Variants in PPP1R1C observed in about 807,000 individuals in gnomAD.
PPP1R1C encodes protein phosphatase 1 regulatory subunit 1C.
PPP1R1C carries 15 observed loss-of-function variants against 17.4 expected under a neutral mutation model. The observed-to-expected ratio is 0.86, with a 90% CI of 0.58 to 1.33. The LOEUF (loss-of-function observed/expected upper bound fraction) is 1.33, where lower values mean the gene tolerates loss of function less well. PPP1R1C is among the 40% of genes most tolerant of loss of function. The pLI, the probability that PPP1R1C is intolerant of heterozygous loss-of-function variation, is 0.00. For missense variants in PPP1R1C, 143 were observed against 130.0 expected, an observed-to-expected ratio of 1.10 and a Z score of -0.48; for synonymous variants, 35 against 43.1, an observed-to-expected ratio of 0.81 and a Z score of 0.73.
At chr2:182,034,576 C>T (rs372682707) in intron 2 of PPP1R1C, among the ~76,000 whole-genome samples, 1 of 152,166 alleles carries the variant, frequency 6.6e-6, no homozygotes, top group Admixed American at 6.5e-5. Context: ...CACAAATAGA[C>T]TATAAACTTT....
chr2:182,061,605 T>C (rs999665526), intron 3 of PPP1R1C, 126 bp downstream of exon 3: 12 of 519,944 alleles, frequency 2.3e-5, no homozygotes, highest in Admixed American at 4.1e-5. Context: ...TCCTTCTGAC[T>C]GAATAAACAG....
At chr2:182,080,757 C>A (rs992493877) in intron 4 of PPP1R1C, among the ~76,000 whole-genome samples, 1 of 152,086 alleles carries the variant, frequency 6.6e-6, no homozygotes, top group African/African-American at 2.4e-5. Flanking sequence ...TGCTTCTAAC[C>A]CACAACATTT....
intron 4 of PPP1R1C, 56 bp from the exon 5 acceptor site, chr2:182,117,151 G>T: frequency 8.3e-7 from 1 of 1,211,846 alleles, no homozygotes; most frequent in Non-Finnish European, 1.2e-6. Context: ...CAGCAAAGCG[G>T]TTAATATTCC....
chr2:182,081,193 A>C (rs1688464594), intron 4 of PPP1R1C, among the ~76,000 whole-genome samples: 1 of 152,206 alleles, frequency 6.6e-6, no homozygotes, highest in Non-Finnish European at 1.5e-5. Flanking sequence ...TATTGGGCAA[A>C]TGGAGAGGTA....
upstream of PPP1R1C, among the ~76,000 whole-genome samples, chr2:181,981,968 T>G (rs1685200861): frequency 6.6e-6 from 1 of 152,254 alleles, no homozygotes; most frequent in Admixed American, 6.5e-5. Context: ...ACATATTTGC[T>G]TTTATTTTTG....
At chr2:182,108,849 G>A (rs1689333233) in intron 4 of PPP1R1C, among the ~76,000 whole-genome samples, 1 of 152,120 alleles carries the variant, frequency 6.6e-6, no homozygotes, top group South Asian at 2.1e-4. Flanking sequence ...GGTTTTTTGT[G>A]TGGACATCAG....
chr2:181,998,094 T>C (rs1685664693), intron 2 of PPP1R1C, among the ~76,000 whole-genome samples: 2 of 152,180 alleles, frequency 1.3e-5, no homozygotes, highest in Admixed American at 1.3e-4. Context: ...TGGGAGGCCA[T>C]TTTGTGTAGG....
chr2:181,977,295 CACATGTTTCCT>C (rs1414864595), intron 2 of PPP1R1C, among the ~76,000 whole-genome samples: 2 of 151,714 alleles, frequency 1.3e-5, no homozygotes, highest in African/African-American at 4.8e-5. Context: ...ACATGCTGAT[CACATGTTTCCT>C]AAAGAAACTC....
chr2:182,007,000 G>T (rs979446318), intron 2 of PPP1R1C, among the ~76,000 whole-genome samples: 2 of 151,952 alleles, frequency 1.3e-5, no homozygotes, highest in East Asian at 3.9e-4. Context: ...TTGCTTATTG[G>T]TTTTTGTTTA....
At chr2:182,069,937 T>C (rs1281291276) in intron 4 of PPP1R1C, among the ~76,000 whole-genome samples, 2 of 152,198 alleles carry the variant, frequency 1.3e-5, no homozygotes, top group Non-Finnish European at 2.9e-5. Context: ...CACAATCACA[T>C]ATGAGCCTTT....
intron 1 of PPP1R1C, among the ~76,000 whole-genome samples, chr2:181,960,065 C>G (rs1028763188): frequency 3.3e-5 from 5 of 152,146 alleles, no homozygotes; most frequent in Admixed American, 6.5e-5. Flanking sequence ...AATATTGCCT[C>G]AAAAATTGTG....
chr2:181,990,439 G>A (rs928961818), intron 2 of PPP1R1C, among the ~76,000 whole-genome samples: 4 of 152,026 alleles, frequency 2.6e-5, no homozygotes, highest in African/African-American at 4.8e-5. Context: ...CACAGCGCCC[G>A]GCCTCCAAGC....
At chr2:182,030,888 G>C (rs1323361493) in intron 2 of PPP1R1C, 1 of 156,840 alleles carries the variant, frequency 6.4e-6, no homozygotes, top group African/African-American at 2.4e-5. Flanking sequence ...AGGACCCTCT[G>C]AGCCAGGTGC....
chr2:182,084,701 C>G (rs961947934), intron 4 of PPP1R1C, among the ~76,000 whole-genome samples: 3 of 152,036 alleles, frequency 2.0e-5, no homozygotes, highest in African/African-American at 7.2e-5. Flanking sequence ...TAATGTGATG[C>G]CACCAGATTT....
At chr2:182,045,716 T>C (rs1174841004) in intron 2 of PPP1R1C, among the ~76,000 whole-genome samples, 1 of 152,062 alleles carries the variant, frequency 6.6e-6, no homozygotes, top group Admixed American at 6.5e-5. Context: ...TTTTGAAATT[T>C]GCAATGGTTA....
At chr2:182,076,752 G>T (rs543008533) in intron 4 of PPP1R1C, among the ~76,000 whole-genome samples, 62 of 152,072 alleles carry the variant, frequency 4.1e-4, no homozygotes, top group African/African-American at 1.5e-3. Context: ...GTAGTATCTT[G>T]CTTATGCTAT....
chr2:182,120,006 C>G (rs1041719238), downstream of PPP1R1C, among the ~76,000 whole-genome samples: 1 of 152,088 alleles, frequency 6.6e-6, no homozygotes, highest in Non-Finnish European at 1.5e-5. Context: ...AATGGTATTG[C>G]CTAGGTTTTC....
chr2:181,972,325 T>C (rs1247571652), intron 1 of PPP1R1C, among the ~76,000 whole-genome samples: 1 of 152,174 alleles, frequency 6.6e-6, no homozygotes, highest in Non-Finnish European at 1.5e-5. Context: ...CAAGACAAAA[T>C]GTGTGATGTA....
chr2:181,981,175 G>A (rs1045629915), upstream of PPP1R1C, among the ~76,000 whole-genome samples: 12 of 152,122 alleles, frequency 7.9e-5, no homozygotes, highest in Admixed American at 3.3e-4. Context: ...TGATCCGCCC[G>A]CCTCGGCCTC....
Sources: gnomAD v4.1 joint callset for allele counts (sites outside exome capture counted in the v4.1 genomes callset) on GRCh38, gnomAD v4.1.1 for gene constraint, MANE v1.5 for transcripts, NCBI Gene and HGNC (gene_info 2026-07-23, HGNC 2026-07-21) for gene names.